The following SASH1 variants were observed in gnomAD, a reference collection of about 807,000 sequenced individuals.
SASH1 encodes SAM and SH3 domain-containing protein 1.
In SASH1, 44 loss-of-function variants were observed where a neutral mutation model predicts 125.2. That is an observed-to-expected ratio of 0.35 (90% CI 0.28 to 0.45). The LOEUF is 0.45. Ranked by LOEUF, SASH1 falls within the 20% of genes least tolerant of loss-of-function variation. The pLI is 1.00. For synonymous variants in SASH1, 639 were observed against 649.1 expected (o/e 0.98, Z 0.24); for missense variants, 1,426 against 1,614.5 (o/e 0.88, Z 2.00).
At chr6:148,380,298 T>C (rs1783081636) in intron 1 of SASH1, among the ~76,000 whole-genome samples, 1 of 152,232 alleles carries the variant, frequency 6.6e-6, no homozygotes, top group Non-Finnish European at 1.5e-5. Flanking sequence ...AACTCAAATA[T>C]TGTACATCAT....
At chr6:148,507,992 A>T (rs547597251) in intron 8 of SASH1, among the ~76,000 whole-genome samples, 2 of 152,234 alleles carry the variant, frequency 1.3e-5, no homozygotes, top group African/African-American at 4.8e-5. Flanking sequence ...AAGTAACAGC[A>T]TGTGCCTAGT....
chr6:148,513,636 G>T (rs1780274373), intron 8 of SASH1: 2 of 985,542 alleles, frequency 2.0e-6, no homozygotes, highest in African/African-American at 3.5e-5. Context: ...AGTGCAATGG[G>T]CTGCTGGGGA....
chr6:148,438,874 C>G (rs1242571615), intron 2 of SASH1, among the ~76,000 whole-genome samples: 5 of 152,200 alleles, frequency 3.3e-5, no homozygotes, highest in African/African-American at 7.2e-5. Flanking sequence ...AACACTCCCC[C>G]ACAATCCTGC....
At chr6:148,460,442 C>T (rs1777561615) in intron 4 of SASH1, among the ~76,000 whole-genome samples, 1 of 150,490 alleles carries the variant, frequency 6.6e-6, no homozygotes, top group African/African-American at 2.4e-5. Flanking sequence ...CCTCTTTGAA[C>T]CAGAATTAAA....
At chr6:148,235,230 G>A in the SASH1 span, among the ~76,000 whole-genome samples, 1 of 152,156 alleles carries the variant, frequency 6.6e-6, no homozygotes, top group Non-Finnish European at 1.5e-5. Flanking sequence ...GAGGTGGATG[G>A]GGGTTGTAGG....
intron 9 of SASH1, among the ~76,000 whole-genome samples, chr6:148,516,893 G>GATC (rs922110210): frequency 1.3e-5 from 2 of 152,248 alleles, no homozygotes; most frequent in African/African-American, 4.8e-5. Flanking sequence ...CCAGGAGAGA[G>GATC]ATCAGTTCTT....
At chr6:148,221,289 C>T in the SASH1 span, among the ~76,000 whole-genome samples, 1 of 152,082 alleles carries the variant, frequency 6.6e-6, no homozygotes, top group Non-Finnish European at 1.5e-5. Context: ...GAGTAATTTA[C>T]AAGGTTAAAC....
At chr6:148,527,639 CA>C (rs759802809) in intron 12 of SASH1, 43 bp downstream of exon 12, 3 of 1,571,760 alleles carry the variant, frequency 1.9e-6, no homozygotes, top group Non-Finnish European at 2.6e-6. Context: ...TTCTTCCTGA[CA>C]AGAAAAGCTG....
Position 148,533,668 on chromosome 6 carries a change from T to A in SASH1, c.1735-103T>A. 1 of 1,109,532 alleles carries A rather than the reference T, an allele frequency of 9.0e-7. No homozygotes were observed. The highest frequency in any genetic ancestry group is 1.9e-5 in the Admixed American group (1 of 51,574). The allele number at this position is 1,109,532 out of a possible 1,614,324, so 68.7% of individuals were successfully genotyped here. On this transcript the variant is annotated intron_variant, in intron 14 of 19. Transcript: ENST00000367467. The surrounding 1 kb of genome is among the most constrained non-coding windows in gnomAD (Gnocchi z 6.2). ...CTTGTGGGACCCCGATTCTGGCCTT[T>A]GTGGCATCTTCACTTCTGCATGACC...
intron 2 of SASH1, among the ~76,000 whole-genome samples, chr6:148,408,453 A>T (rs1364372840): frequency 6.6e-6 from 1 of 152,160 alleles, no homozygotes; most frequent in Non-Finnish European, 1.5e-5. Context: ...CTTTGGAGAA[A>T]TGTCTACACA....
chr6:148,357,432 C>G (rs1469947871), intron 1 of SASH1, among the ~76,000 whole-genome samples: 2 of 152,034 alleles, frequency 1.3e-5, no homozygotes, highest in Admixed American at 6.6e-5. Context: ...TGGACCAGAC[C>G]CAGATGGATT....
At chr6:148,468,475 G>A (rs150807792) in intron 4 of SASH1, 70 bp from the exon 5 acceptor site, 5 of 1,178,404 alleles carry the variant, frequency 4.2e-6, no homozygotes, top group South Asian at 3.8e-5. Flanking sequence ...GGTCAAACTA[G>A]TTAGGAGGAT....
chr6:148,456,801 G>T (rs1777372962), intron 4 of SASH1, among the ~76,000 whole-genome samples: 1 of 151,458 alleles, frequency 6.6e-6, no homozygotes, highest in Non-Finnish European at 1.5e-5. Flanking sequence ...GGAGGTTGTG[G>T]CTGCAGTGAG....
chr6:148,317,759 T>C (rs1582957115), intron 1 of SASH1, among the ~76,000 whole-genome samples: 1 of 152,182 alleles, frequency 6.6e-6, no homozygotes, highest in African/African-American at 2.4e-5. Flanking sequence ...TCCCAACATC[T>C]TGCTTTTGTT....
chr6:148,362,038 C>T (rs571624952), intron 1 of SASH1, among the ~76,000 whole-genome samples: 43 of 150,676 alleles, frequency 2.9e-4, no homozygotes, highest in Non-Finnish European at 4.3e-4. Context: ...CTCAGCCTCC[C>T]GAGTAGCTGG....
At chr6:148,258,220 T>G in the SASH1 span, among the ~76,000 whole-genome samples, 1 of 152,184 alleles carries the variant, frequency 6.6e-6, no homozygotes, top group Non-Finnish European at 1.5e-5. Flanking sequence ...TTTCCATTTA[T>G]TATGTGTTAG....
chr6:148,299,822 C>T (rs759825476), intron 1 of SASH1, among the ~76,000 whole-genome samples: 27 of 152,102 alleles, frequency 1.8e-4, no homozygotes, highest in Non-Finnish European at 3.5e-4. Flanking sequence ...GTTAAAAGCT[C>T]TCAACTTTTA....
the SASH1 span, among the ~76,000 whole-genome samples, chr6:148,211,176 T>C: frequency 1.3e-5 from 2 of 152,224 alleles, no homozygotes; most frequent in East Asian, 3.9e-4. Flanking sequence ...TTATTACCTG[T>C]CTGCTGTGGT....
At chr6:148,407,127 A>G (rs958392418) in intron 2 of SASH1, among the ~76,000 whole-genome samples, 8 of 152,222 alleles carry the variant, frequency 5.3e-5, no homozygotes, top group African/African-American at 1.9e-4. Flanking sequence ...TTTGAGTTGC[A>G]GTTCAGTGAC....
Sources: allele counts gnomAD v4.1 joint callset (sites outside exome capture counted in the v4.1 genomes callset), GRCh38; gene constraint gnomAD v4.1.1; non-coding constraint Gnocchi (gnomAD v3.1); transcripts MANE v1.5; gene names NCBI Gene and HGNC (gene_info 2026-07-23, HGNC 2026-07-21).